Variants in COL5A2 observed in about 807,000 individuals in gnomAD.
COL5A2 encodes the protein collagen alpha-2(V) chain.
A neutral mutation model predicts 208.2 loss-of-function variants in COL5A2; 23 were observed. That is an observed-to-expected ratio of 0.11 (90% confidence interval 0.08 to 0.16). The LOEUF (loss-of-function observed/expected upper bound fraction) is 0.16. Among genes scored for constraint, COL5A2 ranks in the 10% least tolerant of loss-of-function variants. COL5A2 has a pLI of 1.00. For missense variants in COL5A2, 1,590 were observed against 1,956.4 expected (o/e 0.81, Z 3.53); for synonymous variants, 625 against 628.5 (o/e 0.99, Z 0.08).
the COL5A2 span, among the ~76,000 whole-genome samples, chr2:189,232,775 T>A: frequency 6.6e-6 from 1 of 151,666 alleles, no homozygotes; most frequent in African/African-American, 2.4e-5. Context: ...CTTTCTCCCA[T>A]GTAAAGACAC....
At chr2:189,105,279 C>T (rs549555814) in intron 2 of COL5A2, among the ~76,000 whole-genome samples, 1 of 151,740 alleles carries the variant, frequency 6.6e-6, no homozygotes, top group African/African-American at 2.4e-5. Flanking sequence ...TTGATAGATA[C>T]TACCAATATC....
the COL5A2 span, among the ~76,000 whole-genome samples, chr2:189,428,511 G>A: frequency 6.6e-6 from 1 of 152,086 alleles, no homozygotes; most frequent in African/African-American, 2.4e-5. Flanking sequence ...CCAGCTATTT[G>A]GAAGGCTGAG....
chr2:189,412,795 T>C, the COL5A2 span, among the ~76,000 whole-genome samples: 1 of 152,202 alleles, frequency 6.6e-6, no homozygotes, highest in African/African-American at 2.4e-5. Flanking sequence ...TTGTCTTGTG[T>C]TCAAAGAGCA....
intron 1 of COL5A2, among the ~76,000 whole-genome samples, chr2:189,203,198 C>A (rs915123352): frequency 6.6e-6 from 1 of 152,032 alleles, no homozygotes; most frequent in African/African-American, 2.4e-5. Flanking sequence ...TTATTTGCAC[C>A]CTCCCAAATC....
chr2:189,038,931 A>C (rs1482883879), intron 51 of COL5A2, among the ~76,000 whole-genome samples: 1 of 151,918 alleles, frequency 6.6e-6, no homozygotes, highest in Non-Finnish European at 1.5e-5. Context: ...CCTCATGATT[A>C]GCCCACCTCG....
the COL5A2 span, among the ~76,000 whole-genome samples, chr2:189,366,975 G>GT: frequency 6.6e-6 from 1 of 152,138 alleles, no homozygotes; most frequent in Non-Finnish European, 1.5e-5. Flanking sequence ...CCCGAAGGCT[G>GT]TAAGTGTTGG....
chr2:189,435,597 G>C, the COL5A2 span, among the ~76,000 whole-genome samples: 6 of 152,122 alleles, frequency 3.9e-5, no homozygotes, highest in African/African-American at 1.4e-4. Context: ...CACTGGCCAT[G>C]AGAGAAATGC....
intron 21 of COL5A2, among the ~76,000 whole-genome samples, chr2:189,067,005 T>C (rs1686170132): frequency 6.6e-6 from 1 of 152,180 alleles, no homozygotes; most frequent in Admixed American, 6.5e-5. Flanking sequence ...TTTATAGTGG[T>C]CTTTAAGAGA....
rs187628944 is a variant in COL5A2, at chr2:189,094,572, C to T, written c.457-2152G>A. On this transcript the variant is annotated intron_variant, in intron 6 of 53. Coordinates refer to ENST00000374866, the MANE Select transcript of COL5A2 (RefSeq NM_000393.5). Reference sequence around the variant, plus strand: ...AACTTCATTTCTCTCGTTTCTCTCTCTCTCTCTTTCTCTCTGACACACACA... The same window carrying T: ...AACTTCATTTCTCTCGTTTCTCTCTTTCTCTCTTTCTCTCTGACACACACA... Among the ~76,000 whole-genome samples the T allele has an allele frequency of 1.8e-3, 248 of 137,938 alleles. 3 individuals are homozygous for T. The highest frequency in any genetic ancestry group is 6.1e-3 in the African/African-American group (229 of 37,678). 90.5% of individuals were successfully genotyped at this position (137,938 alleles called of 152,430 possible). A position where few individuals can be genotyped will look rare whatever the true frequency, so the allele number is the denominator to read the frequency against.
chr2:189,337,428 C>A, the COL5A2 span, among the ~76,000 whole-genome samples: 1 of 151,948 alleles, frequency 6.6e-6, no homozygotes, highest in Non-Finnish European at 1.5e-5. Context: ...GTGATCCGCC[C>A]GCCTCGGCCT....
chr2:189,126,427 A>G (rs1219022713), intron 1 of COL5A2, among the ~76,000 whole-genome samples: 1 of 152,066 alleles, frequency 6.6e-6, no homozygotes, highest in African/African-American at 2.4e-5. Context: ...AAGTTATTAA[A>G]AATAAGTTTT....
the COL5A2 span, among the ~76,000 whole-genome samples, chr2:189,295,406 G>A: frequency 7.9e-5 from 12 of 152,148 alleles, no homozygotes. Flanking sequence ...TCAGGAGTTC[G>A]AGACCAGCCT....
At chr2:189,311,981 G>A in the COL5A2 span, 1 of 749,820 alleles carries the variant, frequency 1.3e-6, no homozygotes, top group Non-Finnish European at 2.4e-6. Context: ...CAGTGACCTT[G>A]TGGAGCCCAT....
At chr2:189,223,800 T>C (rs1689377639) in intron 1 of COL5A2, among the ~76,000 whole-genome samples, 1 of 152,168 alleles carries the variant, frequency 6.6e-6, no homozygotes, top group South Asian at 2.1e-4. Flanking sequence ...ATGGTACTGA[T>C]TGGAGCTGGA....
At chr2:189,230,815 T>C in the COL5A2 span, among the ~76,000 whole-genome samples, 6 of 151,930 alleles carry the variant, frequency 3.9e-5, no homozygotes, top group African/African-American at 1.4e-4. Flanking sequence ...AGAGCTACCA[T>C]ATGATCCAGT....
At chr2:189,207,326 G>A (rs912616681) in intron 1 of COL5A2, among the ~76,000 whole-genome samples, 3 of 151,646 alleles carry the variant, frequency 2.0e-5, no homozygotes, top group African/African-American at 7.3e-5. Context: ...TTGTATCACT[G>A]ACCCATATTT....
rs1470933590 is a variant in COL5A2, at chr2:189,179,569, G to A, written c.36C>T (p.Leu12=). Residue 12 remains leucine (L), a synonymous_variant, in exon 1 of 54, where the codon CTC becomes CTT. Coordinates refer to ENST00000374866, the MANE Select transcript of COL5A2 (RefSeq NM_000393.5). ...ATTGCCCTAATAAAACAATAAGAAT[G>A]AGGAGAGGTCTTGCTTCCGCCCAGT... ...MANWAEARPL[L]ILIVLLGQFV... 1.9e-6 allele frequency: 3 copies of A among 1,609,928 alleles called. No individual in the cohort carries two copies. The highest frequency in any genetic ancestry group is 1.7e-6 in the Non-Finnish European group (2 of 1,177,792).
chr2:189,177,528 T>C (rs1688699168), intron 1 of COL5A2, among the ~76,000 whole-genome samples: 1 of 152,232 alleles, frequency 6.6e-6, no homozygotes, highest in African/African-American at 2.4e-5. Flanking sequence ...TCTTTTGCTG[T>C]TGAATTTTTA....
chr2:189,216,966 G>A (rs1689286722), intron 1 of COL5A2, among the ~76,000 whole-genome samples: 1 of 152,020 alleles, frequency 6.6e-6, no homozygotes. Flanking sequence ...TTAGGTGAAG[G>A]TAACTCTCAA....
Sources: allele counts gnomAD v4.1 joint callset (sites outside exome capture counted in the v4.1 genomes callset), GRCh38; gene constraint gnomAD v4.1.1; transcripts MANE v1.5; gene names NCBI Gene and HGNC (gene_info 2026-07-23, HGNC 2026-07-21).